Variants in FARS2 observed in about 807,000 individuals in gnomAD.
FARS2 encodes phenylalanine--tRNA ligase, mitochondrial.
FARS2 carries 40 observed loss-of-function variants against 46.4 expected under a neutral mutation model. The observed-to-expected ratio is 0.86, with a 90% confidence interval of 0.67 to 1.12. The LOEUF (loss-of-function observed/expected upper bound fraction) is 1.12, where lower values mean the gene tolerates loss of function less well. Among genes scored for constraint, FARS2 ranks in the 50% most tolerant of loss-of-function variants. The pLI is 0.00. For synonymous variants in FARS2, 234 were observed against 214.9 expected (o/e 1.09, Z -0.78); for missense variants, 513 against 567.9 (o/e 0.90, Z 0.98).
At chr6:5,280,391 C>T (rs910795846) in intron 1 of FARS2, among the ~76,000 whole-genome samples, 4 of 152,130 alleles carry the variant, frequency 2.6e-5, no homozygotes, top group South Asian at 4.1e-4. Context: ...TCAAGAGATG[C>T]GAAATGACAG....
intron 4 of FARS2, chr6:5,452,581 T>G (rs1764562527): frequency 6.6e-6 from 1 of 152,260 alleles, no homozygotes; most frequent in Non-Finnish European, 1.5e-5. Flanking sequence ...TCGGGTCTGT[T>G]TATTTCTTTG....
chr6:5,759,653 A>G (rs940321711), intron 6 of FARS2, among the ~76,000 whole-genome samples: 1 of 152,176 alleles, frequency 6.6e-6, no homozygotes, highest in Non-Finnish European at 1.5e-5. Context: ...CAGGGCTGTC[A>G]TGCTGTTTTG....
intron 5 of FARS2, among the ~76,000 whole-genome samples, chr6:5,549,337 C>A (rs974887943): frequency 6.6e-5 from 10 of 152,188 alleles, no homozygotes; most frequent in Non-Finnish European, 1.3e-4. Flanking sequence ...CCTCTTCCCC[C>A]CACTCCACGA....
In FARS2 at chr6:5,671,972, A is replaced by C. The variant is rs76627072; in HGVS notation, c.1217+58652A>C. 4.8e-3 allele frequency among the ~76,000 whole-genome samples: 729 copies of C among 152,312 alleles called. 6 individuals are homozygous for C. The highest frequency in any genetic ancestry group is 0.017 in the African/African-American group (698 of 41,558). ...TGAGGAACGTGCATTTGCGGAAGAC[A>C]TTGTCCTACTTTTCCACAAAAATAC... On this transcript the variant is annotated intron_variant, in intron 6 of 6. Coordinates refer to ENST00000274680, the MANE Select transcript of FARS2 (RefSeq NM_006567.5).
rs138594307 is a variant in FARS2 at position 5,464,385 on chromosome 6, GC to G, written c.904+33214del. Among the ~76,000 whole-genome samples, 7 of 152,304 alleles carry G rather than the reference GC, an allele frequency of 4.6e-5. No homozygotes were observed. The East Asian group carries it at 1.4e-3, about 29-fold the overall frequency. On this transcript the variant is annotated intron_variant, in intron 4 of 6. Transcript: ENST00000274680. ...GCCAGTGTCCTCCAAGTCCATCAGA[GC>G]ATTCTGGGTGGAGTCATTGGGAATC...
At chr6:5,725,126 A>T (rs1042581053) in intron 6 of FARS2, among the ~76,000 whole-genome samples, 1 of 152,228 alleles carries the variant, frequency 6.6e-6, no homozygotes, top group Non-Finnish European at 1.5e-5. Context: ...TTTCCATGAA[A>T]TCTCTGGATG....
chr6:5,432,350 ATTATATATATATAAT>A (rs1763246208), intron 4 of FARS2, among the ~76,000 whole-genome samples: 1 of 30,872 alleles, frequency 3.2e-5, no homozygotes, highest in Admixed American at 4.5e-4. Flanking sequence ...ATATATATAT[ATTATATATATATAAT>A]ATATTATATA....
intron 1 of FARS2, among the ~76,000 whole-genome samples, chr6:5,275,252 A>G (rs10485195): frequency 0.02 from 3,074 of 152,250 alleles, 92 homozygotes; most frequent in African/African-American, 0.07. Context: ...TGAATAATCA[A>G]TATTTTCTTA....
At chr6:5,709,053 GA>G (rs1758938588) in intron 6 of FARS2, among the ~76,000 whole-genome samples, 1 of 152,232 alleles carries the variant, frequency 6.6e-6, no homozygotes, top group African/African-American at 2.4e-5. Flanking sequence ...AGGTCTTGAA[GA>G]AGCTCCATGT....
chr6:5,395,414 G>A (rs1191276765), intron 2 of FARS2, among the ~76,000 whole-genome samples: 1 of 152,042 alleles, frequency 6.6e-6, no homozygotes, highest in Non-Finnish European at 1.5e-5. Flanking sequence ...ACTAGATCAG[G>A]TAACAGAATT....
intron 5 of FARS2, among the ~76,000 whole-genome samples, chr6:5,547,046 G>A (rs762998757): frequency 6.6e-6 from 1 of 151,946 alleles, no homozygotes; most frequent in Non-Finnish European, 1.5e-5. Flanking sequence ...CTGCCTCCTG[G>A]ATTCAAGCAA....
intron 4 of FARS2, among the ~76,000 whole-genome samples, chr6:5,528,940 G>GA (rs1769646585): frequency 6.6e-6 from 1 of 152,186 alleles, no homozygotes; most frequent in Non-Finnish European, 1.5e-5. Context: ...AAGATAAAAA[G>GA]AGCAAGGGTC....
intron 4 of FARS2, among the ~76,000 whole-genome samples, chr6:5,486,295 G>C (rs1206242066): frequency 2.6e-5 from 4 of 152,204 alleles, no homozygotes; most frequent in Non-Finnish European, 2.9e-5. Flanking sequence ...TCAGAGATGA[G>C]GTTTTGGTTT....
At position 5,576,271 on chromosome 6, in the gene FARS2, G is replaced by A. The variant is rs570432954; in HGVS notation, c.1065+30931G>A. ...ACATTTGAGTCAGTGGGCTAGGAAA[G>A]GCAGATCCACCCTTAATCTGGGAAG... is the stretch of plus-strand genomic sequence containing the variant. On this transcript the variant is annotated intron_variant, in intron 5 of 6. Coordinates refer to ENST00000274680, the MANE Select transcript of FARS2 (RefSeq NM_006567.5). Among the ~76,000 whole-genome samples the A allele has an allele frequency of 4.6e-5, 7 of 152,184 alleles. No homozygotes were observed. The South Asian group carries it at 1.2e-3, about 27-fold the overall frequency.
intron 1 of FARS2, among the ~76,000 whole-genome samples, chr6:5,308,469 T>A (rs912084154): frequency 2.0e-5 from 3 of 152,302 alleles, no homozygotes; most frequent in Admixed American, 2.0e-4. Flanking sequence ...CCATCTCTGG[T>A]AAAGGGCCAT....
chr6:5,479,256 C>A (rs1378613931), intron 4 of FARS2, among the ~76,000 whole-genome samples: 1 of 152,206 alleles, frequency 6.6e-6, no homozygotes, highest in African/African-American at 2.4e-5. Flanking sequence ...ATGCTGCCTA[C>A]AAAATGTGTT....
At chr6:5,628,579 T>C (rs1025679461) in intron 6 of FARS2, among the ~76,000 whole-genome samples, 24 of 152,304 alleles carry the variant, frequency 1.6e-4, no homozygotes, top group African/African-American at 5.3e-4. Context: ...TTCTCTGTAA[T>C]GTTTGGACAG....
intron 5 of FARS2, among the ~76,000 whole-genome samples, chr6:5,597,042 G>T (rs1484523603): frequency 6.6e-6 from 1 of 152,214 alleles, no homozygotes; most frequent in African/African-American, 2.4e-5. Context: ...AAACCTGGAT[G>T]CAGAAAGCTG....
chr6:5,623,643 C>T (rs571202724), intron 6 of FARS2, among the ~76,000 whole-genome samples: 15 of 151,264 alleles, frequency 9.9e-5, no homozygotes, highest in Admixed American at 2.6e-4. Context: ...AGCCAGGAGG[C>T]GGAGGTCGCA....
Sources: allele counts gnomAD v4.1 joint callset (sites outside exome capture counted in the v4.1 genomes callset), GRCh38; gene constraint gnomAD v4.1.1; transcripts MANE v1.5; gene names NCBI Gene and HGNC (gene_info 2026-07-23, HGNC 2026-07-21).